Variants in RTN1 observed in about 807,000 individuals in gnomAD.
The protein encoded by RTN1 is reticulon 1.
RTN1 carries 25 observed loss-of-function variants against 65.5 expected under a neutral mutation model. The ratio of observed to expected loss-of-function variants is 0.38; its 90% CI spans 0.28 to 0.53. The LOEUF (loss-of-function observed/expected upper bound fraction) is 0.53. RTN1 is among the 20% of genes least tolerant of loss of function. The pLI is 0.79. For synonymous variants in RTN1, 471 were observed against 447.6 expected, an observed-to-expected ratio of 1.05 and a Z score of -0.66; for missense variants, 983 against 1,025.4, an observed-to-expected ratio of 0.96 and a Z score of 0.57.
At chr14:59,680,145 AAC>A (rs1463846173) in intron 3 of RTN1, among the ~76,000 whole-genome samples, 2 of 152,190 alleles carry the variant, frequency 1.3e-5, no homozygotes, top group African/African-American at 4.8e-5. Context: ...TCATGTTAGT[AAC>A]ATAGCTCTTA....
chr14:59,843,292 G>A (rs139959188), intron 1 of RTN1, among the ~76,000 whole-genome samples: 20 of 152,262 alleles, frequency 1.3e-4, no homozygotes, highest in African/African-American at 4.6e-4. Flanking sequence ...CCAGAATAAC[G>A]GTTGCCTCTG....
intron 3 of RTN1, among the ~76,000 whole-genome samples, chr14:59,676,449 TG>T (rs1319641161): frequency 6.6e-6 from 1 of 152,210 alleles, no homozygotes; most frequent in East Asian, 1.9e-4. Context: ...AGTAGTTATA[TG>T]GCCTTAAAGG....
Position 59,607,320 on chromosome 14 carries a change from T to C in RTN1, c.1938A>G (p.Gln646=). ...GGCCTTCGTCGGTTTTCTGCACTGCTTGTAAAACAGACTTGTAGATGCGGA... is the reference window on the plus strand; with the variant it reads ...GGCCTTCGTCGGTTTTCTGCACTGCCTGTAAAACAGACTTGTAGATGCGGA... ...ISFRIYKSVL[Q]AVQKTDEGHP... Residue 646 remains glutamine, a synonymous_variant, in exon 4 of 9, where the codon CAA becomes CAG. Transcript: ENST00000267484. 1 of 1,614,126 alleles carries C rather than the reference T, an allele frequency of 6.2e-7. No individual in the cohort carries two copies.
intron 2 of RTN1, among the ~76,000 whole-genome samples, chr14:59,734,485 AT>A (rs1182573017): frequency 2.6e-5 from 4 of 152,202 alleles, no homozygotes; most frequent in Non-Finnish European, 5.9e-5. Context: ...GCAAATAATC[AT>A]GATAAAACAA....
chr14:59,662,677 G>A (rs1056343133), intron 3 of RTN1, among the ~76,000 whole-genome samples: 3 of 152,068 alleles, frequency 2.0e-5, no homozygotes, highest in African/African-American at 4.8e-5. Context: ...TTGCTACAAA[G>A]AGAATAAAAT....
At chr14:59,636,565 C>T (rs1310543690) in intron 3 of RTN1, among the ~76,000 whole-genome samples, 1 of 152,134 alleles carries the variant, frequency 6.6e-6, no homozygotes, top group Non-Finnish European at 1.5e-5. Context: ...AAAGAACAGC[C>T]TAACACACTA....
intron 1 of RTN1, among the ~76,000 whole-genome samples, chr14:59,839,184 T>C (rs1419368786): frequency 1.3e-5 from 2 of 152,194 alleles, no homozygotes; most frequent in Non-Finnish European, 2.9e-5. Context: ...ATCTTTAGGA[T>C]ATTTTTTTGC....
chr14:59,656,818 C>G (rs1883131520), intron 3 of RTN1, among the ~76,000 whole-genome samples: 1 of 152,222 alleles, frequency 6.6e-6, no homozygotes, highest in South Asian at 2.1e-4. Context: ...CCACCAAACA[C>G]AGGCATGACT....
chr14:59,666,229 A>C (rs1340469291), intron 3 of RTN1, among the ~76,000 whole-genome samples: 3 of 152,204 alleles, frequency 2.0e-5, no homozygotes, highest in Non-Finnish European at 4.4e-5. Context: ...AACAGAAATC[A>C]CAACAAACTG....
chr14:59,776,008 T>C (rs552142101), intron 1 of RTN1, among the ~76,000 whole-genome samples: 5 of 152,202 alleles, frequency 3.3e-5, no homozygotes, highest in African/African-American at 1.2e-4. Flanking sequence ...ATTAATGTCA[T>C]ATTATAATAA....
chr14:59,744,186 C>G (rs1230625510), intron 2 of RTN1, among the ~76,000 whole-genome samples: 1 of 152,206 alleles, frequency 6.6e-6, no homozygotes, highest in Non-Finnish European at 1.5e-5. Context: ...GGGTTTAGAG[C>G]AATCGCTCCT....
intron 1 of RTN1, among the ~76,000 whole-genome samples, chr14:59,805,255 G>C (rs772879868): frequency 1.6e-4 from 24 of 152,144 alleles, no homozygotes; most frequent in Non-Finnish European, 2.8e-4. Context: ...ACTTTTCACA[G>C]TCTGACATTG....
chr14:59,722,336 G>T lies in RTN1; in HGVS notation c.1765+4583C>A, dbSNP rs536156173. On this transcript the variant is annotated intron_variant, in intron 3 of 8. Transcript: ENST00000267484. ...AAAAGAGGATTTCTTCAAAGCAAGA[G>T]ATTTGAGAAGTGTCACACATAAAGC... Among the ~76,000 whole-genome samples, 7 of 152,336 alleles carry T rather than the reference G, an allele frequency of 4.6e-5. No homozygotes were observed. In the East Asian group the frequency reaches 1.3e-3, roughly 29 times the overall value.
chr14:59,659,962 C>T (rs745716059), intron 3 of RTN1, among the ~76,000 whole-genome samples: 5 of 152,040 alleles, frequency 3.3e-5, no homozygotes, highest in Admixed American at 6.6e-5. Context: ...GATAAAGAGT[C>T]GAAACCCATC....
intron 1 of RTN1, among the ~76,000 whole-genome samples, chr14:59,787,242 G>GT (rs1566726903): frequency 6.6e-6 from 1 of 152,118 alleles, no homozygotes; most frequent in Non-Finnish European, 1.5e-5. Flanking sequence ...TGGAGGTGGT[G>GT]TAACAGCTGT....
chr14:59,662,150 A>T (rs974617307), intron 3 of RTN1, among the ~76,000 whole-genome samples: 1 of 147,180 alleles, frequency 6.8e-6, no homozygotes. Flanking sequence ...AGTGAAATCC[A>T]GCTTTCTTTT....
Position 59,746,483 on chromosome 14 carries a change from T to C in RTN1, c.242-2A>G, listed in dbSNP as rs1885229715. 3 of 1,571,948 alleles carry C rather than the reference T, an allele frequency of 1.9e-6. No individual in the cohort carries two copies. The highest frequency in any genetic ancestry group is 1.4e-5 in the African/African-American group (1 of 73,906). On this transcript the variant is annotated splice_acceptor_variant, in intron 1 of 8. Coordinates refer to ENST00000267484, the MANE Select transcript of RTN1 (RefSeq NM_021136.3). LOFTEE classifies it high-confidence loss of function. ...TGGCACTGGAAACACCTGCCACACC[T>C]ATGAATCAAAGCAGCAGCAGACAGT...
At chr14:59,598,996 T>A (rs1881493080) in intron 8 of RTN1, among the ~76,000 whole-genome samples, 1 of 152,198 alleles carries the variant, frequency 6.6e-6, no homozygotes, top group Non-Finnish European at 1.5e-5. Flanking sequence ...TGAACACAGA[T>A]ATGGGATGGC....
At chr14:59,664,487 C>A (rs1293318884) in intron 3 of RTN1, among the ~76,000 whole-genome samples, 1 of 151,798 alleles carries the variant, frequency 6.6e-6, no homozygotes, top group Non-Finnish European at 1.5e-5. Context: ...ACAAAATAAC[C>A]ACAATATGAT....
Sources: gnomAD v4.1 joint callset for allele counts (sites outside exome capture counted in the v4.1 genomes callset) on GRCh38, gnomAD v4.1.1 for gene constraint, MANE v1.5 for transcripts, NCBI Gene and HGNC (gene_info 2026-07-23, HGNC 2026-07-21) for gene names.